TBC1D5: variants seen among roughly 807,000 people sequenced by gnomAD.
TBC1D5 encodes the protein TBC1 domain family, member 5.
In TBC1D5, 75 loss-of-function variants were observed where a neutral mutation model predicts 100.3. The observed-to-expected ratio is 0.75, with a 90% confidence interval of 0.62 to 0.91. TBC1D5 has a LOEUF of 0.91. Among genes scored for constraint, TBC1D5 ranks in the 40% least tolerant of loss-of-function variants. The pLI is 0.00. For synonymous variants in TBC1D5, 323 were observed against 325.6 expected, an observed-to-expected ratio of 0.99 and a Z score of 0.09; for missense variants, 910 against 942.4, an observed-to-expected ratio of 0.97 and a Z score of 0.45.
exon 13 of TBC1D5, chr3:17,372,118 T>C: frequency 1.9e-6 from 3 of 1,613,672 alleles, no homozygotes; most frequent in Middle Eastern, 1.7e-4. Context: ...TTCAAGTGCA[T>C]GTAAAGCTCA....
Position 17,478,267 on chromosome 3 carries a change from T to C in TBC1D5, c.97+30207A>G, listed in dbSNP as rs1348857869. Among the ~76,000 whole-genome samples the C allele has an allele frequency of 2.6e-5, 4 of 152,166 alleles. No homozygotes were observed. In the East Asian group the frequency reaches 7.7e-4, roughly 29 times the overall value. On this transcript the variant is annotated intron_variant, in intron 3 of 21. Transcript: ENST00000253692. ...TTTTTGGCTGATTAACATAAAATAT[T>C]TACATATCATAAATGTTCATTTATT...
rs146286746 is a variant in TBC1D5 at position 17,393,267 on chromosome 3, G to A, written c.510-9252C>T. Among the ~76,000 whole-genome samples, 103 of 151,946 alleles carry A rather than the reference G, an allele frequency of 6.8e-4. No homozygotes were observed. In the East Asian group the frequency reaches 0.017, roughly 25 times the overall value. ...AATACCTGGGAGTACAACTTACAAGGGATGTGAAGGACCTCTTCAAGGAGA... is the reference window on the plus strand; with the variant it reads ...AATACCTGGGAGTACAACTTACAAGAGATGTGAAGGACCTCTTCAAGGAGA... On this transcript the variant is annotated intron_variant, in intron 8 of 21. Transcript: ENST00000253692.
intron 3 of TBC1D5, among the ~76,000 whole-genome samples, chr3:17,439,506 C>T (rs6766514): frequency 0.091 from 13,882 of 151,920 alleles, 1,433 homozygotes; most frequent in African/African-American, 0.26. Context: ...CACAATAAAA[C>T]GTTACTGATT....
At chr3:17,284,210 C>T (rs1185029409) in intron 15 of TBC1D5, among the ~76,000 whole-genome samples, 3 of 151,946 alleles carry the variant, frequency 2.0e-5, no homozygotes, top group Admixed American at 6.6e-5. Context: ...CTCCACCTTC[C>T]AAGTTCAAGC....
chr3:17,351,762 C>T (rs1262978797), intron 13 of TBC1D5, among the ~76,000 whole-genome samples: 1 of 150,366 alleles, frequency 6.7e-6, no homozygotes, highest in Admixed American at 6.6e-5. Context: ...CATTTTATTA[C>T]ATTACCTACT....
At chr3:17,297,890 G>C (rs2082424084) in intron 14 of TBC1D5, among the ~76,000 whole-genome samples, 1 of 151,868 alleles carries the variant, frequency 6.6e-6, no homozygotes, top group Non-Finnish European at 1.5e-5. Context: ...ACTACACCTC[G>C]CCAAAACAAA....
At chr3:17,362,675 T>C (rs1471836238) in intron 13 of TBC1D5, among the ~76,000 whole-genome samples, 1 of 152,160 alleles carries the variant, frequency 6.6e-6, no homozygotes, top group Non-Finnish European at 1.5e-5. Context: ...TTTCAGCATG[T>C]TGGCCAGACT....
intron 13 of TBC1D5, among the ~76,000 whole-genome samples, chr3:17,350,872 T>C (rs11916205): frequency 0.09 from 13,697 of 152,170 alleles, 1,415 homozygotes; most frequent in African/African-American, 0.25. Context: ...CAGAATCATT[T>C]ACTTTCAGAT....
At chr3:17,715,796 T>C (rs927915062) in intron 1 of TBC1D5, among the ~76,000 whole-genome samples, 6 of 151,538 alleles carry the variant, frequency 4.0e-5, no homozygotes. Flanking sequence ...AGCAAGACTA[T>C]GTCTCTTAAA....
intron 13 of TBC1D5, among the ~76,000 whole-genome samples, chr3:17,345,898 A>G (rs570811045): frequency 6.6e-6 from 1 of 151,910 alleles, no homozygotes; most frequent in South Asian, 2.1e-4. Flanking sequence ...GAAGGGGAAC[A>G]TCACACTCTG....
At chr3:17,660,410 C>T (rs748870741) in intron 1 of TBC1D5, among the ~76,000 whole-genome samples, 1 of 152,120 alleles carries the variant, frequency 6.6e-6, no homozygotes, top group Admixed American at 6.5e-5. Flanking sequence ...GATCCTGAAC[C>T]AAATGCTATA....
chr3:17,560,624 A>T (rs1272489677), intron 2 of TBC1D5, among the ~76,000 whole-genome samples: 2 of 150,552 alleles, frequency 1.3e-5, no homozygotes, highest in African/African-American at 4.9e-5. Context: ...GTCTTTAAAA[A>T]AAAAAGGGGG....
chr3:17,186,902 T>C (rs2125555522), intron 18 of TBC1D5, among the ~76,000 whole-genome samples: 1 of 151,980 alleles, frequency 6.6e-6, no homozygotes, highest in East Asian at 1.9e-4. Context: ...TAAGAACAAA[T>C]ACTACAAGAA....
intron 2 of TBC1D5, among the ~76,000 whole-genome samples, chr3:17,558,499 T>C (rs1242279247): frequency 6.6e-6 from 1 of 152,176 alleles, no homozygotes; most frequent in Non-Finnish European, 1.5e-5. Context: ...TGAATTTCAA[T>C]GTGATCAAAA....
At chr3:17,299,149 G>T (rs1034454653) in intron 14 of TBC1D5, among the ~76,000 whole-genome samples, 8 of 152,138 alleles carry the variant, frequency 5.3e-5, no homozygotes, top group African/African-American at 1.9e-4. Flanking sequence ...CACAAGCACT[G>T]TGATACCAAC....
At chr3:17,258,617 G>T (rs1487182992) in intron 15 of TBC1D5, 26 bp from the exon 16 acceptor site, 2 of 1,584,750 alleles carry the variant, frequency 1.3e-6, no homozygotes, top group Admixed American at 3.4e-5. Context: ...TTTTTAAAAA[G>T]CTAGTTAAAT....
At chr3:17,260,619 A>G (rs1239588483) in intron 15 of TBC1D5, among the ~76,000 whole-genome samples, 2 of 152,192 alleles carry the variant, frequency 1.3e-5, no homozygotes, top group Admixed American at 1.3e-4. Context: ...ATAAAATCAG[A>G]GGTTATGGTT....
At chr3:17,234,735 T>C (rs1026804109) in intron 17 of TBC1D5, among the ~76,000 whole-genome samples, 5 of 152,178 alleles carry the variant, frequency 3.3e-5, no homozygotes, top group Non-Finnish European at 7.4e-5. Context: ...TTGTTTCCCC[T>C]TGAGCTTTTA....
chr3:17,508,634 T>G, intron 2 of TBC1D5, 29 bp from the exon 3 acceptor site: 1 of 1,103,954 alleles, frequency 9.1e-7, no homozygotes, highest in Non-Finnish European at 1.4e-6. Context: ...CAGAGAAAAA[T>G]AATAAATTCT....
Sources: gnomAD v4.1 joint callset for allele counts (sites outside exome capture counted in the v4.1 genomes callset) on GRCh38, gnomAD v4.1.1 for gene constraint, MANE v1.5 for transcripts, NCBI Gene and HGNC (gene_info 2026-07-23, HGNC 2026-07-21) for gene names.